The following LYRM1 variants were observed in gnomAD, a reference collection of about 807,000 sequenced individuals.
LYRM1 encodes the protein LYR motif-containing protein 1.
Under a neutral mutation model 14.9 loss-of-function variants are expected in LYRM1, and 14 were observed. That is an observed-to-expected ratio of 0.94 (90% confidence interval 0.62 to 1.47). The LOEUF (loss-of-function observed/expected upper bound fraction) is 1.47. Ranked by LOEUF, LYRM1 falls within the 40% of genes most tolerant of loss-of-function variation. The pLI, the probability that LYRM1 is intolerant of heterozygous loss-of-function variation, is 0.00. For missense variants in LYRM1, 153 were observed against 149.9 expected, an observed-to-expected ratio of 1.02 and a Z score of -0.11; for synonymous variants, 43 against 56.2, an observed-to-expected ratio of 0.77 and a Z score of 1.05.
chr16:20,901,978 G>T lies in LYRM1; in HGVS notation c.-1+1089G>T, dbSNP rs2082084869. On this transcript the variant is annotated intron_variant, in intron 1 of 3. Coordinates refer to ENST00000567954, the MANE Select transcript of LYRM1 (RefSeq NM_001128302.3). The surrounding 1 kb of genome is among the most constrained non-coding windows in gnomAD (Gnocchi z 4.6). ...ATCTCTACTAAAAATACAAAAATCA[G>T]CTGGGCGTAGTGGCACGCGCCTGTA... is the stretch of plus-strand genomic sequence containing the variant. Among the ~76,000 whole-genome samples the T allele has an allele frequency of 6.6e-6, 1 of 152,198 alleles. No homozygotes were observed. The highest frequency in any genetic ancestry group is 1.5e-5 in the Non-Finnish European group (1 of 68,042).
At chr16:20,902,378 G>C (rs1408748116) in intron 1 of LYRM1, 2 of 152,282 alleles carry the variant, frequency 1.3e-5, no homozygotes, top group Non-Finnish European at 2.9e-5. Context: ...AAAAATCATA[G>C]TTGGAGATAA....
intron 2 of LYRM1, among the ~76,000 whole-genome samples, chr16:20,918,477 A>G (rs977554639): frequency 6.6e-6 from 1 of 152,160 alleles, no homozygotes; most frequent in East Asian, 1.9e-4. Flanking sequence ...CACAAATGCT[A>G]TTGCTTAAGA....
intron 3 of LYRM1, among the ~76,000 whole-genome samples, chr16:20,922,324 G>T (rs1180471349): frequency 6.6e-6 from 1 of 152,046 alleles, no homozygotes; most frequent in Admixed American, 6.6e-5. Flanking sequence ...GTATGCTATT[G>T]TAAGAATGTG....
chr16:20,917,100 C>T (rs1167327262), intron 2 of LYRM1, among the ~76,000 whole-genome samples: 5 of 151,322 alleles, frequency 3.3e-5, no homozygotes, highest in Non-Finnish European at 7.4e-5. Context: ...TCCTAATCTG[C>T]AGCAACTTCC....
chr16:20,912,802 C>T (rs2082662630), intron 1 of LYRM1, among the ~76,000 whole-genome samples: 2 of 151,556 alleles, frequency 1.3e-5, no homozygotes, highest in African/African-American at 2.4e-5. Flanking sequence ...TGCGGTGGCT[C>T]ATGCCTGTAA....
chr16:20,913,721 C>G (rs1481596387), intron 1 of LYRM1, among the ~76,000 whole-genome samples: 2 of 152,170 alleles, frequency 1.3e-5, no homozygotes, highest in Non-Finnish European at 2.9e-5. Context: ...CGTCCGTTCT[C>G]TCTTGGCCAC....
intron 2 of LYRM1, among the ~76,000 whole-genome samples, chr16:20,916,345 C>T (rs1256502807): frequency 3.3e-5 from 5 of 152,126 alleles, no homozygotes; most frequent in East Asian, 1.9e-4. Context: ...CTGTTAGCTC[C>T]GGGGAAGACC....
At chr16:20,912,027 C>T (rs1203304828) in intron 1 of LYRM1, among the ~76,000 whole-genome samples, 4 of 151,656 alleles carry the variant, frequency 2.6e-5, no homozygotes, top group Non-Finnish European at 2.9e-5. Flanking sequence ...TTTAGCCTCC[C>T]GGGCTCATAC....
chr16:20,920,230 G>C lies in LYRM1; in HGVS notation c.252+16G>C, dbSNP rs771883648. On this transcript the variant is annotated intron_variant, in intron 3 of 3. Transcript: ENST00000567954. ...CCCAAGGCCAGTAAGTGTGACTCCGGTTAACAAGTGCTGGGTACTTACCCT... is the reference window on the plus strand; with the variant it reads ...CCCAAGGCCAGTAAGTGTGACTCCGCTTAACAAGTGCTGGGTACTTACCCT... 5.1e-6 allele frequency: 8 copies of C among 1,562,182 alleles called. No individual in the cohort carries two copies. The highest frequency in any genetic ancestry group is 1.4e-5 in the African/African-American group (1 of 73,856).
chr16:20,909,851 AC>A (rs757273356), intron 1 of LYRM1, among the ~76,000 whole-genome samples: 1 of 152,196 alleles, frequency 6.6e-6, no homozygotes, highest in East Asian at 1.9e-4. Flanking sequence ...CTGATTATAT[AC>A]CTTTCTAGGT....
intron 1 of LYRM1, among the ~76,000 whole-genome samples, chr16:20,904,416 C>T (rs532150192): frequency 8.5e-5 from 13 of 152,162 alleles, no homozygotes; most frequent in South Asian, 6.2e-4. Flanking sequence ...AAAAACTTCC[C>T]ATATTACAGG....
rs185855809 is a variant in LYRM1, at chr16:20,922,434, A to G, written c.253-1566A>G. ...ATATGTGAAGAGATTTATTATGAGG[A>G]ATTGGCTCTCTATTTATCTAGACAG... On this transcript the variant is annotated intron_variant, in intron 3 of 3. Transcript: ENST00000567954. Among the ~76,000 whole-genome samples, 38 of 152,248 alleles carry G rather than the reference A, an allele frequency of 2.5e-4. 1 individual carries two copies. In the East Asian group the frequency reaches 4.3e-3, roughly 17 times the overall value.
chr16:20,913,078 T>TA lies in LYRM1; in HGVS notation c.1-2476dup, dbSNP rs780570470. 1.2e-3 allele frequency among the ~76,000 whole-genome samples: 185 copies of TA among 148,836 alleles called. 1 individual carries two copies. Among genetic ancestry groups the TA allele is most frequent in the Non-Finnish European group, 2.0e-3 (132 of 67,362 alleles). ...CGAAACTCTGTCTCAAAAATAATAA[T>TA]AATAATAATAATAATAATAATTAAA... On this transcript the variant is annotated intron_variant, in intron 1 of 3. Coordinates refer to ENST00000567954, the MANE Select transcript of LYRM1 (RefSeq NM_001128302.3).
At chr16:20,918,644 A>G (rs1036287113) in intron 2 of LYRM1, among the ~76,000 whole-genome samples, 1 of 152,074 alleles carries the variant, frequency 6.6e-6, no homozygotes, top group African/African-American at 2.4e-5. Context: ...CCCCTTAACC[A>G]TATCTTTGTC....
At chr16:20,913,317 GTT>G (rs5816141) in intron 1 of LYRM1, among the ~76,000 whole-genome samples, 40 of 123,260 alleles carry the variant, frequency 3.2e-4, no homozygotes, top group Non-Finnish European at 3.4e-4. Flanking sequence ...TCTTTTCTTT[GTT>G]TTTTTTTTTT....
chr16:20,900,700 AG>A (rs1035523244), upstream of LYRM1: 1 of 152,420 alleles, frequency 6.6e-6, no homozygotes, highest in African/African-American at 2.4e-5. Context: ...AGAGTCAGTC[AG>A]TCGAGACTCC....
At chr16:20,908,685 C>T (rs1004005912) in intron 1 of LYRM1, among the ~76,000 whole-genome samples, 1 of 152,188 alleles carries the variant, frequency 6.6e-6, no homozygotes, top group African/African-American at 2.4e-5. Flanking sequence ...AATTCAGACT[C>T]AGAGAAGAAA....
At chr16:20,912,483 G>A (rs1733388842) in intron 1 of LYRM1, among the ~76,000 whole-genome samples, 1 of 149,308 alleles carries the variant, frequency 6.7e-6, no homozygotes, top group South Asian at 2.1e-4. Flanking sequence ...TTGTTAGCCA[G>A]GATGGTCTTG....
At chr16:20,910,432 C>T (rs769281973) in intron 1 of LYRM1, among the ~76,000 whole-genome samples, 12 of 152,118 alleles carry the variant, frequency 7.9e-5, no homozygotes, top group South Asian at 2.1e-4. Context: ...AACACTTAAA[C>T]GTTAATTAAA....
Sources: gnomAD v4.1 joint callset for allele counts (sites outside exome capture counted in the v4.1 genomes callset) on GRCh38, gnomAD v4.1.1 for gene constraint, Gnocchi (gnomAD v3.1) non-coding constraint, MANE v1.5 for transcripts, NCBI Gene and HGNC (gene_info 2026-07-23, HGNC 2026-07-21) for gene names.